GRIA2: variants seen among roughly 807,000 people sequenced by gnomAD.
The protein encoded by GRIA2 is glutamate receptor 2.
A neutral mutation model predicts 97.3 loss-of-function variants in GRIA2; 14 were observed. The ratio of observed to expected loss-of-function variants is 0.14; its 90% confidence interval spans 0.10 to 0.23. The LOEUF is 0.23. GRIA2 is among the 10% of genes least tolerant of loss of function. The probability of loss-of-function intolerance (pLI) is 1.00; values close to 1 mark genes in which losing one functional copy is unlikely to be tolerated. For synonymous variants in GRIA2, 412 were observed against 387.8 expected (o/e 1.06, Z -0.73); for missense variants, 558 against 1,069.8 (o/e 0.52, Z 6.67).
intron 2 of GRIA2, among the ~76,000 whole-genome samples, chr4:157,255,224 T>A (rs1352219974): frequency 6.6e-6 from 1 of 151,810 alleles, no homozygotes; most frequent in East Asian, 1.9e-4. Flanking sequence ...GGTCCATCCA[T>A]GTTGCTGCAA....
rs1015869707 is a variant in GRIA2, at chr4:157,361,949, A to G, written c.2406+825A>G. On this transcript the variant is annotated intron_variant, in intron 14 of 15. Coordinates refer to ENST00000264426, the MANE Select transcript of GRIA2 (RefSeq NM_001083619.3). The surrounding 1 kb of genome is among the most constrained non-coding windows in gnomAD (Gnocchi z 5.2). ...CATACTGAAATAGAGTAAATGGCCTAATGAGAACATTAATGAAACACTTAA... is the reference window on the plus strand; with the variant it reads ...CATACTGAAATAGAGTAAATGGCCTGATGAGAACATTAATGAAACACTTAA... 1.3e-5 allele frequency among the ~76,000 whole-genome samples: 2 copies of G among 152,188 alleles called. No homozygotes were observed. Among genetic ancestry groups the G allele is most frequent in the Non-Finnish European group, 2.9e-5 (2 of 68,034 alleles).
intron 1 of GRIA2, 73 bp from the exon 2 acceptor site, chr4:157,221,594 C>T (rs1370084180): frequency 8.7e-6 from 13 of 1,490,698 alleles, no homozygotes; most frequent in Admixed American, 1.9e-5. Context: ...GATTTTTGGG[C>T]GCTAGCGCGC....
chr4:157,332,935 C>A lies in GRIA2; in HGVS notation c.999C>A (p.Asn333Lys). 1 of 1,612,458 alleles carries A rather than the reference C, an allele frequency of 6.2e-7. No individual in the cohort carries two copies. Residue 333 changes from asparagine to lysine, a missense_variant, in exon 7 of 16, where the codon AAC (asparagine) becomes AAA (lysine). Asn to Lys is a moderately conservative substitution (Grantham distance 94). Coordinates refer to ENST00000264426, the MANE Select transcript of GRIA2 (RefSeq NM_001083619.3). The stretch of plus-strand genomic sequence containing the variant: ...GGAATGCAGGAGACTGTCTGGCAAA[C>A]CCAGCAGTGCCCTGGGGACAAGGTG... ...RRGNAGDCLA[N>K]PAVPWGQGVE...
intron 2 of GRIA2, among the ~76,000 whole-genome samples, chr4:157,268,265 A>C (rs1035840416): frequency 2.0e-5 from 3 of 152,038 alleles, no homozygotes; most frequent in Admixed American, 2.0e-4. Flanking sequence ...TGCCCAAGGG[A>C]ATCTTGGTGT....
At position 157,341,358 on chromosome 4, in the gene GRIA2, G is replaced by A. The variant is rs765072736; in HGVS notation, c.1939G>A (p.Val647Ile). ...GGCTAACTTAGCTGCCTTCCTGACTGTAGAGAGGATGGTGTCTCCCATCGA... is the reference window on the plus strand; with the variant it reads ...GGCTAACTTAGCTGCCTTCCTGACTATAGAGAGGATGGTGTCTCCCATCGA... ...YTANLAAFLTVERMVSPIESA... is the reference protein window; with the variant it reads ...YTANLAAFLTIERMVSPIESA... The change falls in exon 12 of 16, where the codon GTA becomes ATA. Residue 647 changes from valine (V) to isoleucine (I), a missense_variant. Coordinates refer to ENST00000264426, the MANE Select transcript of GRIA2 (RefSeq NM_001083619.3). The A allele has an allele frequency of 6.2e-7, 1 of 1,611,166 alleles. No homozygotes were observed. Among genetic ancestry groups the A allele is most frequent in the East Asian group, 2.2e-5 (1 of 44,812 alleles).
At chr4:157,284,623 A>G (rs1732755847) in intron 2 of GRIA2, among the ~76,000 whole-genome samples, 1 of 151,630 alleles carries the variant, frequency 6.6e-6, no homozygotes, top group Admixed American at 6.6e-5. Flanking sequence ...TTTGATGTGT[A>G]TCTTTTCTAC....
chr4:157,278,608 ATACT>A (rs1732455158), intron 2 of GRIA2, among the ~76,000 whole-genome samples: 1 of 152,046 alleles, frequency 6.6e-6, no homozygotes, highest in Non-Finnish European at 1.5e-5. Context: ...TATGAAAGAA[ATACT>A]TACTGAGCTG....
At chr4:157,242,914 A>G (rs1165906683) in intron 2 of GRIA2, among the ~76,000 whole-genome samples, 1 of 152,148 alleles carries the variant, frequency 6.6e-6, no homozygotes, top group Non-Finnish European at 1.5e-5. Context: ...AGTAAAGCAC[A>G]TCACAGCCTT....
At chr4:157,337,998 A>G (rs1184710556) in intron 11 of GRIA2, among the ~76,000 whole-genome samples, 3 of 132,964 alleles carry the variant, frequency 2.3e-5, no homozygotes, top group African/African-American at 8.3e-5. Flanking sequence ...ATATGTGTGT[A>G]TATATATGTG....
rs1448466697 is a variant in GRIA2 at position 157,303,556 on chromosome 4, C to T, written c.234C>T (p.Cys78=). The T allele has an allele frequency of 2.5e-6, 4 of 1,613,112 alleles. No homozygotes were observed. Among genetic ancestry groups the T allele is most frequent in the Non-Finnish European group, 3.4e-6 (4 of 1,179,152 alleles). ...CTATTTTTCCTATTCTTCTAGTCTG[C>T]TCCCAGTTTTCGAGAGGAGTCTATG... ...ANSFAVTNAF[C]SQFSRGVYAI... is the part of the protein sequence containing the mutation. Residue 78 remains cysteine, a synonymous_variant, in exon 3 of 16, where the codon TGC becomes TGT. Transcript: ENST00000264426.
intron 2 of GRIA2, among the ~76,000 whole-genome samples, chr4:157,280,398 A>T (rs959338122): frequency 5.9e-5 from 9 of 152,122 alleles, no homozygotes; most frequent in Non-Finnish European, 1.5e-5. Flanking sequence ...GTGTCTTGGA[A>T]GATCTTAGAC....
intron 12 of GRIA2, among the ~76,000 whole-genome samples, chr4:157,356,846 C>A (rs1296538748): frequency 2.0e-5 from 3 of 151,996 alleles, no homozygotes; most frequent in African/African-American, 7.2e-5. Context: ...TCAGGTAGAC[C>A]ACAAATATAT....
chr4:157,310,653 A>G (rs1021543317), intron 3 of GRIA2, among the ~76,000 whole-genome samples: 1 of 152,096 alleles, frequency 6.6e-6, no homozygotes, highest in African/African-American at 2.4e-5. Flanking sequence ...TAGTATTATT[A>G]TACCTAGACA....
intron 2 of GRIA2, among the ~76,000 whole-genome samples, chr4:157,232,310 A>T (rs1730055232): frequency 6.6e-6 from 1 of 152,180 alleles, no homozygotes; most frequent in African/African-American, 2.4e-5. Flanking sequence ...GCAGAGAAAG[A>T]TCTGGAAGTG....
At position 157,355,942 on chromosome 4, in the gene GRIA2, A is replaced by AATATATATTT. The variant is rs1736302613; in HGVS notation, c.2044-3947_2044-3938dup. 5.3e-4 allele frequency among the ~76,000 whole-genome samples: 2 copies of AATATATATTT among 3,744 alleles called. 1 individual carries two copies. Among genetic ancestry groups the AATATATATTT allele is most frequent in the African/African-American group, 9.8e-4 (2 of 2,042 alleles). 2.5% of individuals were successfully genotyped at this position (3,744 alleles called of 152,430 possible). A position where few individuals can be genotyped will look rare whatever the true frequency, so the allele number is the denominator to read the frequency against. ...ATATATTTATATATATTTATATATT[A>AATATATATTT]ATATATATTTATATATTTATGTATA... On this transcript the variant is annotated intron_variant, in intron 12 of 15. Coordinates refer to ENST00000264426, the MANE Select transcript of GRIA2 (RefSeq NM_001083619.3).
intron 4 of GRIA2, among the ~76,000 whole-genome samples, chr4:157,316,597 C>G (rs949262763): frequency 8.6e-5 from 13 of 151,920 alleles, no homozygotes; most frequent in Non-Finnish European, 1.9e-4. Context: ...ATGTGTGAAG[C>G]CCTAAGGTGA....
chr4:157,263,144 G>A (rs909836298), intron 2 of GRIA2, among the ~76,000 whole-genome samples: 4 of 152,120 alleles, frequency 2.6e-5, no homozygotes, highest in South Asian at 4.2e-4. Flanking sequence ...TGGAGAAGCC[G>A]AAAATATATT....
intron 2 of GRIA2, among the ~76,000 whole-genome samples, chr4:157,222,715 T>C (rs1729559677): frequency 6.6e-6 from 1 of 152,174 alleles, no homozygotes; most frequent in Non-Finnish European, 1.5e-5. Context: ...CATTTTAGTC[T>C]TTGCAATGCT....
intron 12 of GRIA2, among the ~76,000 whole-genome samples, chr4:157,348,629 G>A (rs1174494134): frequency 1.3e-5 from 2 of 152,056 alleles, no homozygotes; most frequent in African/African-American, 4.8e-5. Flanking sequence ...ATTTCATCGT[G>A]TCTTTAAAGG....
Sources: gnomAD v4.1 joint callset for allele counts (sites outside exome capture counted in the v4.1 genomes callset) on GRCh38, gnomAD v4.1.1 for gene constraint, Gnocchi (gnomAD v3.1) non-coding constraint, MANE v1.5 for transcripts, NCBI Gene and HGNC (gene_info 2026-07-23, HGNC 2026-07-21) for gene names.